DPYSL2: variants seen among roughly 807,000 people sequenced by gnomAD.
DPYSL2 encodes dihydropyrimidinase like 2.
A neutral mutation model predicts 69.9 loss-of-function variants in DPYSL2; 13 were observed. That is an observed-to-expected ratio of 0.19 (90% confidence interval 0.12 to 0.30). The LOEUF (loss-of-function observed/expected upper bound fraction) is 0.30, where lower values mean the gene tolerates loss of function less well. Among genes scored for constraint, DPYSL2 ranks in the 10% least tolerant of loss-of-function variants. DPYSL2 has a pLI of 1.00. For missense variants in DPYSL2, 587 were observed against 918.9 expected, an observed-to-expected ratio of 0.64 and a Z score of 4.67; for synonymous variants, 326 against 359.1, an observed-to-expected ratio of 0.91 and a Z score of 1.04.
intron 3 of DPYSL2, among the ~76,000 whole-genome samples, chr8:26,603,872 A>G (rs556033599): frequency 7.9e-5 from 12 of 152,154 alleles, no homozygotes; most frequent in Non-Finnish European, 1.6e-4. Flanking sequence ...CTGTTTATCC[A>G]TTCATCCATT....
chr8:26,582,265 C>T lies in DPYSL2; in HGVS notation c.443+208C>T, dbSNP rs1801507972. Among the ~76,000 whole-genome samples, 1 of 152,150 alleles carries T rather than the reference C, an allele frequency of 6.6e-6. No homozygotes were observed. Among genetic ancestry groups the T allele is most frequent in the African/African-American group, 2.4e-5 (1 of 41,422 alleles). ...TTCAAAGCAACAATTAATGTACACC[C>T]GTTGCATTAGGTATTATGTAATTTA... is the stretch of plus-strand genomic sequence containing the variant. On this transcript the variant is annotated intron_variant, in intron 2 of 13. Coordinates refer to ENST00000521913, the MANE Select transcript of DPYSL2 (RefSeq NM_001197293.3). This position sits in a 1 kb window ranked among gnomAD's most constrained non-coding sequence, Gnocchi z 4.1.
intron 1 of DPYSL2, among the ~76,000 whole-genome samples, chr8:26,566,025 C>A (rs1349782417): frequency 6.6e-6 from 1 of 152,178 alleles, no homozygotes; most frequent in Non-Finnish European, 1.5e-5. Context: ...AAGAGGAGAG[C>A]CTGGATTTCA....
chr8:26,547,360 T>C (rs893921087), intron 1 of DPYSL2, among the ~76,000 whole-genome samples: 3 of 112,638 alleles, frequency 2.7e-5, no homozygotes, highest in African/African-American at 4.1e-5. Flanking sequence ...GAGACCCTGA[T>C]TGAAAAAAAA....
At chr8:26,628,892 G>A (rs1374419555) in intron 7 of DPYSL2, among the ~76,000 whole-genome samples, 1 of 152,176 alleles carries the variant, frequency 6.6e-6, no homozygotes, top group Non-Finnish European at 1.5e-5. Context: ...CCTGAGTTTG[G>A]GATGTGGTCA....
In DPYSL2 at chr8:26,619,124, G is replaced by T. The variant is rs1050465867; in HGVS notation, c.629-5019G>T. Among the ~76,000 whole-genome samples the T allele has an allele frequency of 1.3e-5, 2 of 152,156 alleles. No individual in the cohort carries two copies. The highest frequency in any genetic ancestry group is 2.9e-5 in the Non-Finnish European group (2 of 68,012). The stretch of plus-strand genomic sequence containing the variant: ...TTGCCAAGGCTGCCCTCTTGGAGGG[G>T]CCGATAGCTCAGGGAGGTCACCAGA... On this transcript the variant is annotated intron_variant, in intron 3 of 13. Coordinates refer to ENST00000521913, the MANE Select transcript of DPYSL2 (RefSeq NM_001197293.3). The surrounding 1 kb of genome is among the most constrained non-coding windows in gnomAD (Gnocchi z 4.8).
chr8:26,571,298 G>T lies in DPYSL2; in HGVS notation c.355-10671G>T, dbSNP rs13275466. The stretch of plus-strand genomic sequence containing the variant: ...CAGGATGTCTGAGCTGGGGCCCAGG[G>T]TGATTCTGATGGAGGGGAGTACTTG... On this transcript the variant is annotated intron_variant, in intron 1 of 13. Coordinates refer to ENST00000521913, the MANE Select transcript of DPYSL2 (RefSeq NM_001197293.3). This position sits in a 1 kb window ranked among gnomAD's most constrained non-coding sequence, Gnocchi z 6.1. Among the ~76,000 whole-genome samples, 12,505 of 152,258 alleles carry T rather than the reference G, an allele frequency of 0.082. 714 individuals are homozygous for T. The highest frequency in any genetic ancestry group is 0.12 in the Non-Finnish European group (8,173 of 68,014).
chr8:26,599,938 C>T (rs1458920350), intron 3 of DPYSL2, among the ~76,000 whole-genome samples: 1 of 152,142 alleles, frequency 6.6e-6, no homozygotes, highest in Non-Finnish European at 1.5e-5. Flanking sequence ...CCCCTTGCAC[C>T]CCTAGCCCAT....
chr8:26,544,045 G>C (rs913643289), intron 1 of DPYSL2, among the ~76,000 whole-genome samples: 1 of 71,080 alleles, frequency 1.4e-5, no homozygotes, highest in Non-Finnish European at 2.8e-5. Context: ...TACTTAGCAG[G>C]GATTTTCACA....
At chr8:26,576,288 C>T (rs1027246099) in intron 1 of DPYSL2, among the ~76,000 whole-genome samples, 53 of 152,130 alleles carry the variant, frequency 3.5e-4, no homozygotes, top group Non-Finnish European at 7.5e-4. Flanking sequence ...GGAAGTCAGG[C>T]CCACAGCAGC....
chr8:26,557,887 T>C (rs1585508145), intron 1 of DPYSL2, among the ~76,000 whole-genome samples: 1 of 151,852 alleles, frequency 6.6e-6, no homozygotes, highest in East Asian at 2.0e-4. Context: ...TGTAGTGGCA[T>C]CTCATTTCAT....
Position 26,643,740 on chromosome 8 carries a change from C to A in DPYSL2, c.1283+145C>A. The stretch of plus-strand genomic sequence containing the variant: ...CCAAACTAGGTTGGCTACATGAGTA[C>A]AGGGAATTGTCATTCTAGCACCATT... On this transcript the variant is annotated intron_variant, in intron 9 of 13. Transcript: ENST00000521913. This position sits in a 1 kb window ranked among gnomAD's most constrained non-coding sequence, Gnocchi z 6.5. 1 of 1,296,360 alleles carries A rather than the reference C, an allele frequency of 7.7e-7. No individual in the cohort carries two copies. Among genetic ancestry groups the A allele is most frequent in the Non-Finnish European group, 1.1e-6 (1 of 932,652 alleles). 80.3% of individuals were successfully genotyped at this position (1,296,360 alleles called of 1,614,324 possible).
At position 26,655,872 on chromosome 8, in the gene DPYSL2, C is replaced by A. The variant is rs557567699; in HGVS notation, c.*166C>A. 73 of 533,132 alleles carry A rather than the reference C, an allele frequency of 1.4e-4. No homozygotes were observed. Among genetic ancestry groups the A allele is most frequent in the African/African-American group, 1.3e-3 (71 of 53,116 alleles). 33.0% of individuals were successfully genotyped at this position (533,132 alleles called of 1,614,324 possible). A position where few individuals can be genotyped will look rare whatever the true frequency, so the allele number is the denominator to read the frequency against. On this transcript the variant is annotated 3_prime_UTR_variant, in exon 14 of 14. Coordinates refer to ENST00000521913, the MANE Select transcript of DPYSL2 (RefSeq NM_001197293.3). ...GGGGTCCCCCTTGGGGCCCCACACC[C>A]CGTCTCTCACCAAGAGTTACTGATT... is the stretch of plus-strand genomic sequence containing the variant.
chr8:26,569,724 T>A (rs1033219421), intron 1 of DPYSL2, among the ~76,000 whole-genome samples: 1 of 152,054 alleles, frequency 6.6e-6, no homozygotes, highest in Non-Finnish European at 1.5e-5. Context: ...TAGGAGTACA[T>A]GGGCTGGCAT....
intron 1 of DPYSL2, among the ~76,000 whole-genome samples, chr8:26,561,915 G>C (rs1283642036): frequency 1.3e-5 from 2 of 152,180 alleles, no homozygotes; most frequent in Non-Finnish European, 2.9e-5. Context: ...CCATGGACGG[G>C]TACTGGTCTG....
At chr8:26,579,953 C>G (rs1332717039) in intron 1 of DPYSL2, among the ~76,000 whole-genome samples, 2 of 24,252 alleles carry the variant, frequency 8.2e-5, no homozygotes, top group African/African-American at 2.0e-4. Context: ...TTTTAAAGAG[C>G]GCCCCCCCCC....
chr8:26,601,222 C>T (rs1328541759), intron 3 of DPYSL2, among the ~76,000 whole-genome samples: 1 of 152,168 alleles, frequency 6.6e-6, no homozygotes, highest in Non-Finnish European at 1.5e-5. Context: ...ATGTCGCCTA[C>T]TTTACCCATG....
chr8:26,584,420 A>G (rs1395703688), intron 3 of DPYSL2, among the ~76,000 whole-genome samples: 2 of 152,170 alleles, frequency 1.3e-5, no homozygotes, highest in African/African-American at 2.4e-5. Context: ...AACAAATGAA[A>G]TGCTGAAGCA....
chr8:26,655,033 A>C (rs995242040), intron 13 of DPYSL2, among the ~76,000 whole-genome samples: 5 of 150,630 alleles, frequency 3.3e-5, no homozygotes, highest in Non-Finnish European at 7.4e-5. Flanking sequence ...TTTTTTGTAG[A>C]GATAGGCTCT....
At chr8:26,581,912 GCA>G (rs1554539331) in intron 1 of DPYSL2, 55 bp from the exon 2 acceptor site, 2 of 1,258,618 alleles carry the variant, frequency 1.6e-6, no homozygotes, top group Non-Finnish European at 2.3e-6. Flanking sequence ...ACATATCTTA[GCA>G]CCTGTTTCTC....
Sources: gnomAD v4.1 joint callset for allele counts (sites outside exome capture counted in the v4.1 genomes callset) on GRCh38, gnomAD v4.1.1 for gene constraint, Gnocchi (gnomAD v3.1) non-coding constraint, MANE v1.5 for transcripts, NCBI Gene and HGNC (gene_info 2026-07-23, HGNC 2026-07-21) for gene names.